Variants in VPS13C observed in about 807,000 individuals in gnomAD.
The protein encoded by VPS13C is vacuolar protein sorting 13 homolog C, also known as intermembrane lipid transfer protein VPS13C.
In VPS13C, 358 loss-of-function variants were observed where a neutral mutation model predicts 456.8. That is an observed-to-expected ratio of 0.78 (90% CI 0.72 to 0.86). The LOEUF is 0.86. Among genes scored for constraint, VPS13C ranks in the 40% least tolerant of loss-of-function variants. The pLI, the probability that VPS13C is intolerant of heterozygous loss-of-function variation, is 0.00. For synonymous variants in VPS13C, 1,578 were observed against 1,486.7 expected (o/e 1.06, Z -1.41); for missense variants, 4,818 against 4,385.4 (o/e 1.10, Z -2.79).
chr15:62,022,365 G>A (rs2047493765), intron 8 of VPS13C, among the ~76,000 whole-genome samples: 1 of 151,884 alleles, frequency 6.6e-6, no homozygotes, highest in East Asian at 1.9e-4. Flanking sequence ...CAAAATGGCT[G>A]TAGTAATTTA....
At chr15:61,933,333 CA>C (rs770541764) in intron 49 of VPS13C, among the ~76,000 whole-genome samples, 5 of 152,018 alleles carry the variant, frequency 3.3e-5, no homozygotes, top group Non-Finnish European at 7.4e-5. Context: ...TAAGGCAGTT[CA>C]TTGCATAAAT....
At chr15:62,002,724 A>G (rs542163311) in intron 15 of VPS13C, among the ~76,000 whole-genome samples, 7 of 152,290 alleles carry the variant, frequency 4.6e-5, no homozygotes, top group African/African-American at 1.7e-4. Flanking sequence ...ATCCAGTTTC[A>G]GCTTTCTACA....
chr15:62,053,175 G>T (rs148613211), intron 1 of VPS13C, among the ~76,000 whole-genome samples: 2 of 152,008 alleles, frequency 1.3e-5, no homozygotes, highest in African/African-American at 4.8e-5. Flanking sequence ...ATATGCCATA[G>T]GACAAGCTAA....
In VPS13C at chr15:62,033,508, G is replaced by A. The variant is rs147638388; in HGVS notation, c.318C>T (p.Ser106=). 65 of 1,606,302 alleles carry A rather than the reference G, an allele frequency of 4.0e-5. No homozygotes were observed. The African/African-American group carries it at 7.0e-4, about 17-fold the overall frequency. ...GCTCTTTCTGTTTAACATCCTGCAA[G>A]GATTTTTCTTCTTTTACAGCATCAT... ...IKYDAVKEEK[S]LQDVKQKELS... is the part of the protein sequence containing the mutation. Residue 106 remains serine (S), a synonymous_variant, in exon 5 of 85, where the codon TCC becomes TCT. Transcript: ENST00000644861.
At chr15:61,922,367 C>T (rs1245577990) in intron 54 of VPS13C, 30 bp downstream of exon 54, 1 of 1,581,492 alleles carries the variant, frequency 6.3e-7, no homozygotes, top group South Asian at 1.2e-5. Context: ...TTCAAGAAGT[C>T]TCTGAAGGTA....
intron 52 of VPS13C, among the ~76,000 whole-genome samples, chr15:61,926,206 C>G (rs1376659557): frequency 6.6e-6 from 1 of 152,098 alleles, no homozygotes; most frequent in East Asian, 1.9e-4. Flanking sequence ...CAAGACCAGC[C>G]TGCACAATAT....
At chr15:61,991,423 T>A (rs2046220737) in intron 17 of VPS13C, among the ~76,000 whole-genome samples, 1 of 152,234 alleles carries the variant, frequency 6.6e-6, no homozygotes, top group Non-Finnish European at 1.5e-5. Context: ...TTGAGATCTT[T>A]AAATTTAAAC....
At chr15:61,996,648 T>A (rs554648113) in intron 16 of VPS13C, among the ~76,000 whole-genome samples, 3 of 151,498 alleles carry the variant, frequency 2.0e-5, no homozygotes, top group Non-Finnish European at 4.4e-5. Context: ...GAATCTTCAA[T>A]AGAGAAATGC....
At chr15:61,973,637 A>G (rs2045621367) in intron 25 of VPS13C, 105 bp from the exon 26 acceptor site, 1 of 785,240 alleles carries the variant, frequency 1.3e-6, no homozygotes, top group South Asian at 1.5e-5. Context: ...AGAGATATGG[A>G]AAGACACATA....
intron 13 of VPS13C, among the ~76,000 whole-genome samples, chr15:62,010,103 T>A (rs2046989039): frequency 6.6e-6 from 1 of 151,596 alleles, no homozygotes; most frequent in South Asian, 2.1e-4. Flanking sequence ...GGTAGGAGAA[T>A]GGCATGAACC....
At chr15:61,950,326 C>T (rs781308446) in intron 41 of VPS13C, 32 bp downstream of exon 41, 2 of 1,554,122 alleles carry the variant, frequency 1.3e-6, no homozygotes, top group East Asian at 2.3e-5. Context: ...ATCAACACAA[C>T]CCAACCTTAT....
chr15:61,946,935 T>A (rs2044627001), intron 43 of VPS13C, among the ~76,000 whole-genome samples: 1 of 152,128 alleles, frequency 6.6e-6, no homozygotes, highest in Admixed American at 6.5e-5. Flanking sequence ...TTTGTCATTC[T>A]CAGTTTCTAA....
At chr15:61,996,813 G>C (rs1313883340) in intron 16 of VPS13C, among the ~76,000 whole-genome samples, 1 of 148,122 alleles carries the variant, frequency 6.8e-6, no homozygotes, top group Non-Finnish European at 1.5e-5. Context: ...GCCTTAGAGA[G>C]AGAAAAAAGA....
chr15:61,993,741 G>A (rs750486281), intron 16 of VPS13C, among the ~76,000 whole-genome samples: 18 of 151,982 alleles, frequency 1.2e-4, no homozygotes, highest in Middle Eastern at 3.4e-3. Flanking sequence ...GTTTTCCTAC[G>A]TTTGTCAATT....
chr15:61,904,305 TA>T (rs35637854), intron 66 of VPS13C, among the ~76,000 whole-genome samples: 30 of 145,374 alleles, frequency 2.1e-4, no homozygotes, highest in African/African-American at 3.3e-4. Flanking sequence ...TTGAATTCCT[TA>T]AAAAAAAAAA....
At chr15:61,911,020 C>T (rs1405790966) in intron 63 of VPS13C, among the ~76,000 whole-genome samples, 1 of 152,084 alleles carries the variant, frequency 6.6e-6, no homozygotes, top group Non-Finnish European at 1.5e-5. Context: ...AGGGCTCTAA[C>T]TTTATTTATA....
chr15:61,971,251 TTA>T (rs1486651370), intron 27 of VPS13C, among the ~76,000 whole-genome samples: 1 of 152,168 alleles, frequency 6.6e-6, no homozygotes, highest in Non-Finnish European at 1.5e-5. Flanking sequence ...ACATTCCCTT[TTA>T]TTTTTATTTT....
chr15:62,023,960 T>C (rs2047549740), intron 6 of VPS13C, 115 bp from the exon 7 acceptor site: 1 of 774,968 alleles, frequency 1.3e-6, no homozygotes, highest in African/African-American at 1.7e-5. Context: ...ACAACTCACC[T>C]TACCTTATTC....
At chr15:62,045,796 A>AT (rs1290101419) in intron 1 of VPS13C, among the ~76,000 whole-genome samples, 2 of 152,150 alleles carry the variant, frequency 1.3e-5, no homozygotes, top group Non-Finnish European at 2.9e-5. Flanking sequence ...AGGAGGACCT[A>AT]AAGATCTAAA....
Sources: gnomAD v4.1 joint callset for allele counts (sites outside exome capture counted in the v4.1 genomes callset) on GRCh38, gnomAD v4.1.1 for gene constraint, MANE v1.5 for transcripts, NCBI Gene and HGNC (gene_info 2026-07-23, HGNC 2026-07-21) for gene names.